TPH2: variants seen among roughly 807,000 people sequenced by gnomAD.
TPH2 encodes tryptophan 5-hydroxylase 2.
TPH2 carries 27 observed loss-of-function variants against 59.1 expected under a neutral mutation model. The ratio of observed to expected loss-of-function variants is 0.46; its 90% CI spans 0.34 to 0.63. TPH2 has a LOEUF of 0.63. Among genes scored for constraint, TPH2 ranks in the 30% least tolerant of loss-of-function variants. TPH2 has a pLI of 0.01. For synonymous variants in TPH2, 220 were observed against 210.5 expected, an observed-to-expected ratio of 1.05 and a Z score of -0.39; for missense variants, 523 against 588.3, an observed-to-expected ratio of 0.89 and a Z score of 1.15.
chr12:72,007,883 A>G (rs970360484), intron 8 of TPH2, among the ~76,000 whole-genome samples: 31 of 152,022 alleles, frequency 2.0e-4, no homozygotes, highest in African/African-American at 7.3e-4. Flanking sequence ...TGTTCTAGCA[A>G]AGGCACACTC....
intron 7 of TPH2, among the ~76,000 whole-genome samples, chr12:71,982,151 G>T (rs1432918718): frequency 6.6e-6 from 1 of 151,126 alleles, no homozygotes; most frequent in Admixed American, 6.6e-5. Context: ...TTACAGGCGT[G>T]CAACACCATA....
intron 6 of TPH2, among the ~76,000 whole-genome samples, chr12:71,977,722 C>T (rs560969049): frequency 3.0e-4 from 45 of 152,136 alleles, no homozygotes; most frequent in African/African-American, 1.0e-3. Context: ...CACTTAAAGT[C>T]GCAATTTTCA....
chr12:71,977,009 A>C (rs1231916173), intron 6 of TPH2, among the ~76,000 whole-genome samples: 4 of 152,208 alleles, frequency 2.6e-5, no homozygotes, highest in Admixed American at 2.6e-4. Flanking sequence ...CAAAGAGTAC[A>C]AAGTTGCAGT....
chr12:71,972,414 T>A, intron 5 of TPH2, 105 bp from the exon 6 acceptor site: 1 of 1,065,478 alleles, frequency 9.4e-7, no homozygotes, highest in South Asian at 1.3e-5. Context: ...GACGCTCATG[T>A]GCTCCACTTT....
At chr12:72,030,167 A>AT (rs1166670407) in intron 9 of TPH2, among the ~76,000 whole-genome samples, 7 of 151,970 alleles carry the variant, frequency 4.6e-5, no homozygotes, top group African/African-American at 1.7e-4. Context: ...CTGCTACCCC[A>AT]TTTTTTCTCT....
intron 5 of TPH2, among the ~76,000 whole-genome samples, chr12:71,965,834 T>G (rs1184155415): frequency 2.0e-5 from 3 of 152,208 alleles, no homozygotes; most frequent in Non-Finnish European, 4.4e-5. Context: ...CACTTGCCAA[T>G]TTTTGCTTTT....
chr12:71,981,491 T>C (rs1872275794), intron 7 of TPH2, among the ~76,000 whole-genome samples: 2 of 152,062 alleles, frequency 1.3e-5, no homozygotes, highest in South Asian at 4.1e-4. Context: ...AGGAATATAG[T>C]TCAAAAGGTG....
intron 5 of TPH2, among the ~76,000 whole-genome samples, chr12:71,972,226 G>A (rs1396776840): frequency 2.6e-5 from 4 of 152,110 alleles, no homozygotes; most frequent in African/African-American, 7.2e-5. Flanking sequence ...CTTCCAACCC[G>A]TAACTATTAC....
chr12:71,950,284 C>A (rs747563171), intron 5 of TPH2, among the ~76,000 whole-genome samples: 1 of 152,212 alleles, frequency 6.6e-6, no homozygotes, highest in Non-Finnish European at 1.5e-5. Flanking sequence ...TTTGTGTGAG[C>A]AATAAAGCTG....
At chr12:72,001,888 T>G (rs1872832367) in intron 8 of TPH2, among the ~76,000 whole-genome samples, 1 of 152,064 alleles carries the variant, frequency 6.6e-6, no homozygotes. Flanking sequence ...TGAAGCTCCA[T>G]TTTGGAAATG....
intron 9 of TPH2, among the ~76,000 whole-genome samples, chr12:72,023,825 A>AAAAAAAAAAAAAAG (rs1555215111): frequency 3.6e-5 from 2 of 56,170 alleles, no homozygotes; most frequent in East Asian, 9.2e-4. Context: ...CTGACAGAAA[A>AAAAAAAAAAAAAAG]AAAAAAAAAA....
At chr12:72,023,812 ACT>A (rs887795947) in intron 9 of TPH2, among the ~76,000 whole-genome samples, 9 of 151,032 alleles carry the variant, frequency 6.0e-5, no homozygotes, top group Non-Finnish European at 1.3e-4. Flanking sequence ...AACAGAGGAG[ACT>A]CTGACAGAAA....
intron 6 of TPH2, among the ~76,000 whole-genome samples, chr12:71,974,036 T>G (rs1053091360): frequency 1.3e-5 from 2 of 152,134 alleles, no homozygotes; most frequent in South Asian, 2.1e-4. Context: ...TGTGCTTAAG[T>G]CCTTGGATTC....
At chr12:72,007,676 A>G (rs1442871165) in intron 8 of TPH2, among the ~76,000 whole-genome samples, 1 of 152,174 alleles carries the variant, frequency 6.6e-6, no homozygotes, top group Non-Finnish European at 1.5e-5. Context: ...AGTTCTCTGT[A>G]ATAAAACAAG....
intron 7 of TPH2, among the ~76,000 whole-genome samples, chr12:71,986,456 A>C (rs1333357109): frequency 6.6e-6 from 1 of 152,158 alleles, no homozygotes; most frequent in Non-Finnish European, 1.5e-5. Context: ...TTGTCTAAAG[A>C]GCTTAAGCAT....
At chr12:71,993,562 C>T (rs4641528) in intron 7 of TPH2, among the ~76,000 whole-genome samples, 77,608 of 151,944 alleles carry the variant, frequency 0.51, 20,540 homozygotes, top group Middle Eastern at 0.58. Flanking sequence ...TGCTCACTTT[C>T]CTGGCTCCAA....
At chr12:71,965,469 A>C (rs1871793107) in intron 5 of TPH2, 1 of 152,208 alleles carries the variant, frequency 6.6e-6, no homozygotes, top group Non-Finnish European at 1.5e-5. Flanking sequence ...ACTTTTAAAT[A>C]ATAAACATTC....
chr12:71,988,014 G>A (rs559305732), intron 7 of TPH2, among the ~76,000 whole-genome samples: 11 of 152,116 alleles, frequency 7.2e-5, no homozygotes, highest in Non-Finnish European at 1.6e-4. Flanking sequence ...AGTAGCACTA[G>A]CCACATTTCA....
intron 7 of TPH2, among the ~76,000 whole-genome samples, chr12:71,985,446 T>A (rs1053789780): frequency 6.6e-6 from 1 of 152,060 alleles, no homozygotes; most frequent in Non-Finnish European, 1.5e-5. Flanking sequence ...TTGCCCGGGC[T>A]GGAGGGCAGT....
Sources: allele counts gnomAD v4.1 joint callset (sites outside exome capture counted in the v4.1 genomes callset), GRCh38; gene constraint gnomAD v4.1.1; transcripts MANE v1.5; gene names NCBI Gene and HGNC (gene_info 2026-07-23, HGNC 2026-07-21).